Variants in WNT3 observed in about 807,000 individuals in gnomAD.
WNT3 encodes proto-oncogene Wnt-3.
A neutral mutation model predicts 34.2 loss-of-function variants in WNT3; 7 were observed. The ratio of observed to expected loss-of-function variants is 0.20; its 90% CI spans 0.12 to 0.38. The LOEUF is 0.38. Ranked by LOEUF, WNT3 falls within the 10% of genes least tolerant of loss-of-function variation. WNT3 has a pLI of 1.00. For synonymous variants in WNT3, 212 were observed against 211.5 expected (o/e 1.00, Z -0.02); for missense variants, 267 against 499.8 (o/e 0.53, Z 4.44).
chr17:46,764,934 G>A (rs907012580), intron 4 of WNT3, among the ~76,000 whole-genome samples: 5 of 152,220 alleles, frequency 3.3e-5, no homozygotes, highest in Admixed American at 6.5e-5. Flanking sequence ...TGGGAGAAAC[G>A]GTGCCTGGCC....
chr17:46,778,807 G>A (rs988960632), intron 1 of WNT3, among the ~76,000 whole-genome samples: 3 of 151,798 alleles, frequency 2.0e-5, no homozygotes, highest in Non-Finnish European at 2.9e-5. Context: ...CCCGGCCCCC[G>A]GCAACCATTC....
At chr17:46,784,317 T>C (rs2059484372) in intron 1 of WNT3, among the ~76,000 whole-genome samples, 1 of 151,720 alleles carries the variant, frequency 6.6e-6, no homozygotes, top group Non-Finnish European at 1.5e-5. Context: ...GACGAGGAAG[T>C]GCGTGGGGCC....
intron 1 of WNT3, among the ~76,000 whole-genome samples, chr17:46,804,774 A>G (rs1334601625): frequency 1.3e-5 from 2 of 152,196 alleles, no homozygotes; most frequent in Admixed American, 6.5e-5. Context: ...AAATGCACCA[A>G]TCAGTGCTCT....
intron 1 of WNT3, among the ~76,000 whole-genome samples, chr17:46,784,862 A>G (rs7211279): frequency 0.042 from 5,882 of 138,488 alleles, 392 homozygotes; most frequent in African/African-American, 0.15. Context: ...TGCAAGCTCC[A>G]CCTCCCGGGT....
At position 46,768,425 on chromosome 17, in the gene WNT3, C is replaced by T. The variant is rs770999113; in HGVS notation, c.963G>A (p.Thr321=). The T allele has an allele frequency of 5.6e-6, 9 of 1,613,766 alleles. No individual in the cohort carries two copies. The Admixed American group carries it at 8.3e-5, about 15-fold the overall frequency. The change falls in exon 4 of 5, where the codon ACG becomes ACA. Residue 321 remains threonine (T), a synonymous_variant. Coordinates refer to ENST00000225512, the MANE Select transcript of WNT3 (RefSeq NM_030753.5). The surrounding 1 kb of genome is among the most constrained non-coding windows in gnomAD (Gnocchi z 5.0). ...ATTTTTCCTTCCGCTTCTCCGTCCTCGTGTTGTGGCCCCGGCCACAGCAGA... is the reference window on the plus strand; with the variant it reads ...ATTTTTCCTTCCGCTTCTCCGTCCTTGTGTTGTGGCCCCGGCCACAGCAGA... ...DLLCCGRGHN[T]RTEKRKEKCH...
At chr17:46,788,961 A>G (rs1047419905) in intron 1 of WNT3, among the ~76,000 whole-genome samples, 7 of 152,216 alleles carry the variant, frequency 4.6e-5, no homozygotes, top group African/African-American at 1.4e-4. Context: ...GAAGCAGCCC[A>G]GTGGGGAACA....
At chr17:46,774,020 G>C in intron 1 of WNT3, 111 bp from the exon 2 acceptor site, 1 of 1,450,030 alleles carries the variant, frequency 6.9e-7, no homozygotes, top group Non-Finnish European at 9.3e-7. Context: ...CAGAGGGCCT[G>C]TGCCCTGGCA....
At chr17:46,809,214 G>T (rs374079551) in intron 1 of WNT3, among the ~76,000 whole-genome samples, 2 of 152,188 alleles carry the variant, frequency 1.3e-5, no homozygotes, top group Non-Finnish European at 2.9e-5. Flanking sequence ...GCCATGGGAG[G>T]TGTCAGAGCA....
chr17:46,798,528 T>C (rs1662048810), intron 1 of WNT3, among the ~76,000 whole-genome samples: 1 of 152,222 alleles, frequency 6.6e-6, no homozygotes, highest in Admixed American at 6.5e-5. Flanking sequence ...GCACATCAGC[T>C]CTTCTTCACC....
chr17:46,768,216 G>GA lies in WNT3; in HGVS notation c.*8+95dup. ...GAACTTGTGTGTCTTGGATAGCTTAGAAACAGAAGGGGGTCGTCAAGAAGA... is the reference window on the plus strand; with the variant it reads ...GAACTTGTGTGTCTTGGATAGCTTAGAAAACAGAAGGGGGTCGTCAAGAAGA... On this transcript the variant is annotated intron_variant, in intron 4 of 4. Transcript: ENST00000225512. The surrounding 1 kb of genome is among the most constrained non-coding windows in gnomAD (Gnocchi z 5.0). The GA allele has an allele frequency of 6.4e-7, 1 of 1,557,608 alleles. No individual in the cohort carries two copies. Among genetic ancestry groups the GA allele is most frequent in the Non-Finnish European group, 8.7e-7 (1 of 1,149,698 alleles).
intron 1 of WNT3, among the ~76,000 whole-genome samples, chr17:46,806,233 C>T (rs1405349072): frequency 4.6e-5 from 3 of 65,602 alleles, no homozygotes; most frequent in African/African-American, 6.2e-5. Flanking sequence ...TTTTTTGAGA[C>T]AGAGTTTCGC....
At chr17:46,808,714 A>T (rs185116426) in intron 1 of WNT3, among the ~76,000 whole-genome samples, 32 of 152,272 alleles carry the variant, frequency 2.1e-4, no homozygotes, top group Admixed American at 3.3e-4. Flanking sequence ...AAAATTAATG[A>T]CTTAGACACT....
At position 46,768,987 on chromosome 17, in the gene WNT3, C is replaced by A. The variant is rs2059338596; in HGVS notation, c.589-188G>T. ...GACCATGTTTCCCTCCCCCTTCACA[C>A]CCCAAGCATGGGTAGACAGCACGTC... On this transcript the variant is annotated intron_variant, in intron 3 of 4. Coordinates refer to ENST00000225512, the MANE Select transcript of WNT3 (RefSeq NM_030753.5). The surrounding 1 kb of genome is among the most constrained non-coding windows in gnomAD (Gnocchi z 5.0). 6.6e-6 allele frequency among the ~76,000 whole-genome samples: 1 copy of A among 152,206 alleles called. No individual in the cohort carries two copies. The highest frequency in any genetic ancestry group is 1.5e-5 in the Non-Finnish European group (1 of 68,048).
chr17:46,768,431 G>A lies in WNT3; in HGVS notation c.957C>T (p.His319=). The A allele has an allele frequency of 6.2e-7, 1 of 1,614,064 alleles. No homozygotes were observed. Among genetic ancestry groups the A allele is most frequent in the Non-Finnish European group, 8.5e-7 (1 of 1,180,028 alleles). ...CCTTCCGCTTCTCCGTCCTCGTGTT[G>A]TGGCCCCGGCCACAGCAGAGCAGAT... The part of the protein sequence containing the change: ...GCDLLCCGRG[H]NTRTEKRKEK... Residue 319 remains histidine (H), a synonymous_variant, in exon 4 of 5, where the codon CAC becomes CAT. Coordinates refer to ENST00000225512, the MANE Select transcript of WNT3 (RefSeq NM_030753.5). This position sits in a 1 kb window ranked among gnomAD's most constrained non-coding sequence, Gnocchi z 5.0.
intron 1 of WNT3, among the ~76,000 whole-genome samples, chr17:46,789,491 T>C (rs1173356470): frequency 6.6e-6 from 1 of 152,096 alleles, no homozygotes; most frequent in Non-Finnish European, 1.5e-5. Flanking sequence ...AGTGTGACAG[T>C]AGAATGGTAT....
chr17:46,791,178 C>T (rs1171937794), intron 1 of WNT3, among the ~76,000 whole-genome samples: 3 of 152,028 alleles, frequency 2.0e-5, no homozygotes, highest in African/African-American at 7.2e-5. Flanking sequence ...TTGCCTGCAG[C>T]TACATTTCCC....
In WNT3 at chr17:46,769,826, G is replaced by A; in HGVS notation, c.545C>T (p.Ala182Val). 6.2e-7 allele frequency: 1 copy of A among 1,613,082 alleles called. No homozygotes were observed. The highest frequency in any genetic ancestry group is 8.5e-7 in the Non-Finnish European group (1 of 1,179,886). ...FADARENRPDARSAMNKHNNE... is the reference protein window; with the variant it reads ...FADARENRPDVRSAMNKHNNE... Reference sequence around the variant, plus strand: ...GTTGTGCTTGTTCATGGCCGAGCGCGCGTCCGGCCTGTTCTCGCGCGCATC... The same window carrying A: ...GTTGTGCTTGTTCATGGCCGAGCGCACGTCCGGCCTGTTCTCGCGCGCATC... The change falls in exon 3 of 5, where the codon GCG becomes GTG. Residue 182 changes from alanine (A) to valine (V), a missense_variant. This residue lies in a region of WNT3 where 181 missense variants were observed against 391.3 expected (regional missense o/e 0.46). Transcript: ENST00000225512.
chr17:46,768,794 G>T lies in WNT3; in HGVS notation c.594C>A (p.Ile198=). 6.2e-7 allele frequency: 1 copy of T among 1,613,420 alleles called. No homozygotes were observed. The change falls in exon 4 of 5, where the codon ATC becomes ATA. Residue 198 remains isoleucine, a synonymous_variant. Coordinates refer to ENST00000225512, the MANE Select transcript of WNT3 (RefSeq NM_030753.5). This position sits in a 1 kb window ranked among gnomAD's most constrained non-coding sequence, Gnocchi z 5.0. ...KHNNEAGRTT[I]LDHMHLKCKC... The stretch of plus-strand genomic sequence containing the variant: ...TGCATTTGAGGTGCATGTGGTCCAG[G>T]ATAGTCTGGGGGAGAGAAGTGGCAG...
At chr17:46,815,109 G>T (rs962562757) in intron 1 of WNT3, among the ~76,000 whole-genome samples, 1 of 152,194 alleles carries the variant, frequency 6.6e-6, no homozygotes, top group South Asian at 2.1e-4. Context: ...CCATCTGCAC[G>T]TCCATCGCTG....
Sources: allele counts gnomAD v4.1 joint callset (sites outside exome capture counted in the v4.1 genomes callset), GRCh38; gene constraint gnomAD v4.1.1; regional missense constraint gnomAD v4.1.1; non-coding constraint Gnocchi (gnomAD v3.1); transcripts MANE v1.5; gene names NCBI Gene and HGNC (gene_info 2026-07-23, HGNC 2026-07-21).